The following GADL1 variants were observed in gnomAD, a reference collection of about 807,000 sequenced individuals.
GADL1 encodes the protein GAD like acidic amino acid decarboxylase 1.
A neutral mutation model predicts 69.5 loss-of-function variants in GADL1; 71 were observed. The observed-to-expected ratio is 1.02, with a 90% confidence interval of 0.84 to 1.25. The LOEUF (loss-of-function observed/expected upper bound fraction) is 1.25, where lower values mean the gene tolerates loss of function less well. Among genes scored for constraint, GADL1 ranks in the 50% most tolerant of loss-of-function variants. GADL1 has a pLI of 0.00. For missense variants in GADL1, 737 were observed against 631.8 expected, an observed-to-expected ratio of 1.17 and a Z score of -1.79; for synonymous variants, 254 against 214.4, an observed-to-expected ratio of 1.18 and a Z score of -1.62.
chr3:30,872,909 C>A (rs570514818), intron 1 of GADL1, among the ~76,000 whole-genome samples: 1 of 152,094 alleles, frequency 6.6e-6, no homozygotes, highest in Non-Finnish European at 1.5e-5. Context: ...AGTATACTCT[C>A]TTGACCTTCA....
At chr3:30,849,184 C>G (rs947119165) in intron 6 of GADL1, among the ~76,000 whole-genome samples, 2 of 152,078 alleles carry the variant, frequency 1.3e-5, no homozygotes, top group African/African-American at 4.8e-5. Context: ...CTGAGCCACT[C>G]GTAGATGGGC....
intron 14 of GADL1, among the ~76,000 whole-genome samples, chr3:30,755,377 A>C (rs1183593107): frequency 8.1e-5 from 9 of 111,302 alleles, no homozygotes; most frequent in Non-Finnish European, 7.5e-5. Flanking sequence ...TTACTAAAAA[A>C]CTTGTTTTTC....
chr3:30,759,718 ACTTC>A (rs1477006212), intron 14 of GADL1, among the ~76,000 whole-genome samples: 2 of 152,110 alleles, frequency 1.3e-5, no homozygotes, highest in African/African-American at 4.8e-5. Context: ...TCACTACTTC[ACTTC>A]CTTAGAAGTA....
At chr3:30,886,243 T>C (rs1191660115) in intron 1 of GADL1, among the ~76,000 whole-genome samples, 4 of 152,144 alleles carry the variant, frequency 2.6e-5, no homozygotes, top group Non-Finnish European at 5.9e-5. Flanking sequence ...AATGACTTCA[T>C]GCTTTTTTCT....
rs570081913 is a variant in GADL1, at chr3:30,745,527, T to C, written c.1393-17112A>G. On this transcript the variant is annotated intron_variant, in intron 14 of 14. Coordinates refer to ENST00000282538, the MANE Select transcript of GADL1 (RefSeq NM_207359.3). ...AATAAAACCCTATTGCTATCTGCTATATTAAGAAGCTGCTCAATTAAACAG... is the reference window on the plus strand; with the variant it reads ...AATAAAACCCTATTGCTATCTGCTACATTAAGAAGCTGCTCAATTAAACAG... 1.2e-4 allele frequency among the ~76,000 whole-genome samples: 19 copies of C among 152,366 alleles called. No homozygotes were observed. The South Asian group carries it at 3.9e-3, about 32-fold the overall frequency.
At chr3:30,775,511 A>G (rs893618048) in intron 14 of GADL1, among the ~76,000 whole-genome samples, 6 of 152,154 alleles carry the variant, frequency 3.9e-5, no homozygotes, top group African/African-American at 1.4e-4. Context: ...CCTGACTTGC[A>G]GGGAGAGAAT....
At chr3:30,777,737 C>T (rs1000052838) in intron 14 of GADL1, among the ~76,000 whole-genome samples, 1 of 152,196 alleles carries the variant, frequency 6.6e-6, no homozygotes, top group African/African-American at 2.4e-5. Context: ...TTTATGTAAT[C>T]CCCTTGGGTG....
chr3:30,735,125 GC>G (rs1695523952), intron 14 of GADL1, among the ~76,000 whole-genome samples: 1 of 152,104 alleles, frequency 6.6e-6, no homozygotes, highest in African/African-American at 2.4e-5. Context: ...CAAGGGTGCT[GC>G]CCTTTTTGAA....
At chr3:30,790,419 T>C (rs1378211531) in intron 12 of GADL1, among the ~76,000 whole-genome samples, 1 of 152,168 alleles carries the variant, frequency 6.6e-6, no homozygotes, top group African/African-American at 2.4e-5. Flanking sequence ...CACATGCTGT[T>C]GGGAAAATGG....
At position 30,776,083 on chromosome 3, in the gene GADL1, T is replaced by TG. The variant is rs34305477; in HGVS notation, c.1392+2095dup. 0.017 allele frequency among the ~76,000 whole-genome samples: 2,500 copies of TG among 151,290 alleles called. 278 individuals carry two copies. The East Asian group carries it at 0.32, about 19-fold the overall frequency. On this transcript the variant is annotated intron_variant, in intron 14 of 14. Coordinates refer to ENST00000282538, the MANE Select transcript of GADL1 (RefSeq NM_207359.3). ...CCTGGGCGACAGCAAGACTCCGTCT[T>TG]GGAAAAAAAAAATGCATTATATTCT...
intron 9 of GADL1, among the ~76,000 whole-genome samples, chr3:30,834,894 G>A (rs2125524206): frequency 6.6e-6 from 1 of 152,206 alleles, no homozygotes; most frequent in Middle Eastern, 3.4e-3. Flanking sequence ...AAATCCCATA[G>A]TCAACAGGTC....
intron 3 of GADL1, 38 bp from the exon 4 acceptor site, chr3:30,854,827 T>TA (rs112640860): frequency 0.17 from 128,624 of 756,346 alleles, 3 homozygotes; most frequent in South Asian, 0.25. Context: ...TATGCAGCAA[T>TA]AAAAAAAAAA....
chr3:30,733,208 A>G (rs550788411), intron 14 of GADL1, among the ~76,000 whole-genome samples: 3 of 152,346 alleles, frequency 2.0e-5, no homozygotes, highest in African/African-American at 7.2e-5. Flanking sequence ...TTTTAAGTTC[A>G]ATAGTAAAGC....
At chr3:30,886,548 T>A (rs1355090756) in intron 1 of GADL1, among the ~76,000 whole-genome samples, 28 of 152,100 alleles carry the variant, frequency 1.8e-4, no homozygotes, top group Non-Finnish European at 1.5e-5. Context: ...AATAGCAATG[T>A]CTGACAAAGG....
At chr3:30,759,071 C>CA (rs1575188567) in intron 14 of GADL1, among the ~76,000 whole-genome samples, 1 of 122,060 alleles carries the variant, frequency 8.2e-6, no homozygotes, top group African/African-American at 3.0e-5. Context: ...ATTAAAAATC[C>CA]GTTTTTTTTC....
At chr3:30,791,981 CT>C (rs1168542730) in intron 12 of GADL1, among the ~76,000 whole-genome samples, 5 of 152,206 alleles carry the variant, frequency 3.3e-5, no homozygotes, top group African/African-American at 1.2e-4. Context: ...CCACATGGAA[CT>C]GTGAGCCCAC....
intron 11 of GADL1, among the ~76,000 whole-genome samples, chr3:30,826,563 G>A (rs1202574967): frequency 6.6e-6 from 1 of 151,836 alleles, no homozygotes; most frequent in Non-Finnish European, 1.5e-5. Context: ...AGACCAGGTG[G>A]CAGCCACCCA....
Position 30,770,430 on chromosome 3 carries a change from A to G in GADL1, c.1392+7749T>C, listed in dbSNP as rs1450857181. Among the ~76,000 whole-genome samples the G allele has an allele frequency of 4.6e-5, 7 of 152,272 alleles. No homozygotes were observed. The East Asian group carries it at 1.3e-3, about 29-fold the overall frequency. Reference sequence around the variant, plus strand: ...ATGTGCAAATGTTACACAGAAAGCCAGTGGCACTCCGTACAGAGAATAGTA... The same window carrying G: ...ATGTGCAAATGTTACACAGAAAGCCGGTGGCACTCCGTACAGAGAATAGTA... On this transcript the variant is annotated intron_variant, in intron 14 of 14. Transcript: ENST00000282538.
chr3:30,801,185 T>C (rs1559503838), intron 11 of GADL1, 97 bp from the exon 12 acceptor site: 1 of 854,094 alleles, frequency 1.2e-6, no homozygotes, highest in East Asian at 2.6e-5. Flanking sequence ...ATATTCTACC[T>C]GTGCCAAGTG....
Sources: allele counts gnomAD v4.1 joint callset (sites outside exome capture counted in the v4.1 genomes callset), GRCh38; gene constraint gnomAD v4.1.1; transcripts MANE v1.5; gene names NCBI Gene and HGNC (gene_info 2026-07-23, HGNC 2026-07-21).